PRELID2: variants seen among roughly 807,000 people sequenced by gnomAD.
PRELID2 encodes the protein PRELI domain containing 2.
PRELID2 carries 25 observed loss-of-function variants against 28.4 expected under a neutral mutation model. The ratio of observed to expected loss-of-function variants is 0.88; its 90% CI spans 0.64 to 1.23. PRELID2 has a LOEUF of 1.23. Among genes scored for constraint, PRELID2 ranks in the 50% most tolerant of loss-of-function variants. PRELID2 has a pLI of 0.00. For synonymous variants in PRELID2, 76 were observed against 71.6 expected (o/e 1.06, Z -0.31); for missense variants, 201 against 214.4 (o/e 0.94, Z 0.39).
chr5:145,315,064 CTTTTTTTTTT>C, the PRELID2 span, among the ~76,000 whole-genome samples: 5 of 100,590 alleles, frequency 5.0e-5, no homozygotes, highest in African/African-American at 7.6e-5. Flanking sequence ...TACAATAATT[CTTTTTTTTTT>C]TTTTTTTTTT....
chr5:145,550,231 A>G (rs942998595), intron 1 of PRELID2, among the ~76,000 whole-genome samples: 2 of 152,210 alleles, frequency 1.3e-5, no homozygotes, highest in South Asian at 4.1e-4. Flanking sequence ...TTTCAATATA[A>G]AACTCTGGGA....
the PRELID2 span, among the ~76,000 whole-genome samples, chr5:145,431,016 T>TTTG: frequency 5.5e-5 from 8 of 145,434 alleles, no homozygotes; most frequent in African/African-American, 1.8e-4. Context: ...GTTTTTTTTT[T>TTTG]TTTTTTTTTT....
At chr5:145,628,244 C>T (rs1210728751) in intron 1 of PRELID2, among the ~76,000 whole-genome samples, 1 of 152,112 alleles carries the variant, frequency 6.6e-6, no homozygotes, top group East Asian at 1.9e-4. Flanking sequence ...ACCCATCTGC[C>T]CACCCCTCAC....
chr5:145,807,479 T>C (rs1183466716), intron 4 of PRELID2, among the ~76,000 whole-genome samples: 1 of 152,174 alleles, frequency 6.6e-6, no homozygotes, highest in Non-Finnish European at 1.5e-5. Flanking sequence ...GTCTATTTTT[T>C]ATCTTATTAA....
At chr5:145,555,321 T>C (rs1752871944) in intron 1 of PRELID2, among the ~76,000 whole-genome samples, 1 of 152,332 alleles carries the variant, frequency 6.6e-6, no homozygotes, top group South Asian at 2.1e-4. Context: ...TTTTAAAAAA[T>C]GTCACAGGAG....
At chr5:145,509,822 C>T (rs1752445381) in intron 1 of PRELID2, among the ~76,000 whole-genome samples, 1 of 152,178 alleles carries the variant, frequency 6.6e-6, no homozygotes. Context: ...AGTTAGTTAA[C>T]AAATTACCTA....
intron 1 of PRELID2, among the ~76,000 whole-genome samples, chr5:145,641,668 C>T (rs1052684701): frequency 6.6e-6 from 1 of 151,374 alleles, no homozygotes; most frequent in South Asian, 2.1e-4. Context: ...CCAAGCCCCC[C>T]AGGGGGGCCC....
At chr5:145,710,503 T>C (rs529062616) in intron 1 of PRELID2, among the ~76,000 whole-genome samples, 1 of 152,328 alleles carries the variant, frequency 6.6e-6, no homozygotes, top group Admixed American at 6.5e-5. Context: ...CTAGTTTACC[T>C]ACCAAATCAG....
chr5:145,255,175 A>G, the PRELID2 span, among the ~76,000 whole-genome samples: 1 of 152,092 alleles, frequency 6.6e-6, no homozygotes, highest in Non-Finnish European at 1.5e-5. Context: ...AAATTATGAA[A>G]CATTCAAAGA....
chr5:145,276,698 T>C, the PRELID2 span, among the ~76,000 whole-genome samples: 1 of 152,166 alleles, frequency 6.6e-6, no homozygotes, highest in African/African-American at 2.4e-5. Context: ...TGTCATGAAT[T>C]GCTTTCTGCT....
the PRELID2 span, among the ~76,000 whole-genome samples, chr5:145,454,636 A>G: frequency 6.6e-6 from 1 of 152,146 alleles, no homozygotes; most frequent in African/African-American, 2.4e-5. Flanking sequence ...TACACCAATA[A>G]CAGACAAACA....
At chr5:145,763,293 G>A (rs1189139072) in intron 6 of PRELID2, among the ~76,000 whole-genome samples, 1 of 152,218 alleles carries the variant, frequency 6.6e-6, no homozygotes, top group Admixed American at 6.5e-5. Context: ...CCAGGGAGAT[G>A]TGGCCAAGTT....
chr5:145,377,247 G>T, the PRELID2 span, among the ~76,000 whole-genome samples: 25 of 152,278 alleles, frequency 1.6e-4, no homozygotes, highest in East Asian at 4.8e-3. Context: ...ACTGTGGTCT[G>T]ACAGATTGTT....
intron 1 of PRELID2, among the ~76,000 whole-genome samples, chr5:145,583,530 A>G (rs1753126112): frequency 6.6e-6 from 1 of 152,202 alleles, no homozygotes; most frequent in African/African-American, 2.4e-5. Flanking sequence ...ATGATTCTAT[A>G]TCTAGAAAAC....
At chr5:145,690,812 T>C (rs905646659) in intron 1 of PRELID2, among the ~76,000 whole-genome samples, 7 of 152,236 alleles carry the variant, frequency 4.6e-5, no homozygotes, top group African/African-American at 9.6e-5. Flanking sequence ...AGATAACCTT[T>C]CCTTGCCCTG....
the PRELID2 span, among the ~76,000 whole-genome samples, chr5:145,392,497 C>T: frequency 6.6e-6 from 1 of 152,132 alleles, no homozygotes; most frequent in Non-Finnish European, 1.5e-5. Flanking sequence ...GGTGAGGATA[C>T]AGACAAACCA....
intron 5 of PRELID2, among the ~76,000 whole-genome samples, chr5:145,773,358 A>G (rs1039433606): frequency 6.6e-6 from 1 of 152,200 alleles, no homozygotes; most frequent in Non-Finnish European, 1.5e-5. Flanking sequence ...GTGTTTTTCT[A>G]TTTTACAAAG....
intron 1 of PRELID2, among the ~76,000 whole-genome samples, chr5:145,519,861 AAAG>A (rs1233758765): frequency 6.6e-6 from 1 of 152,238 alleles, no homozygotes; most frequent in African/African-American, 2.4e-5. Context: ...CCTCTGCCCT[AAAG>A]AATTAGTCTA....
chr5:145,412,368 G>A, the PRELID2 span, among the ~76,000 whole-genome samples: 23 of 152,132 alleles, frequency 1.5e-4, no homozygotes, highest in Middle Eastern at 3.4e-3. Flanking sequence ...AGATCTCTAC[G>A]GCAGGGGCAA....
Sources: gnomAD v4.1 joint callset for allele counts (sites outside exome capture counted in the v4.1 genomes callset) on GRCh38, gnomAD v4.1.1 for gene constraint, MANE v1.5 for transcripts, NCBI Gene and HGNC (gene_info 2026-07-23, HGNC 2026-07-21) for gene names.